The following BLTP1 variants were observed in gnomAD, a reference collection of about 807,000 sequenced individuals.
BLTP1 encodes fragile site-associated protein.
At chr4:122,235,087 A>G in the BLTP1 span, 2 of 1,362,532 alleles carry the variant, frequency 1.5e-6, no homozygotes, top group South Asian at 2.7e-5. Context: ...CCATTTTGAG[A>G]GAAATTCAGT....
the BLTP1 span, chr4:122,256,746 A>G: frequency 3.5e-6 from 1 of 282,392 alleles, no homozygotes; most frequent in Non-Finnish European, 5.3e-6. Context: ...CTGATAATAC[A>G]GTTAACTTTC....
At chr4:122,200,235 T>C in the BLTP1 span, 1 of 984,994 alleles carries the variant, frequency 1.0e-6, no homozygotes, top group Non-Finnish European at 1.2e-6. Flanking sequence ...TGATAAATAG[T>C]GCTGTGTGAC....
chr4:122,281,662 T>G, the BLTP1 span: 1 of 1,613,476 alleles, frequency 6.2e-7, no homozygotes. Flanking sequence ...AAAAGAAGCC[T>G]ATTGTTCTTA....
the BLTP1 span, chr4:122,318,066 A>G: frequency 2.8e-6 from 4 of 1,404,882 alleles, no homozygotes; most frequent in Non-Finnish European, 3.8e-6. Context: ...TATTCTGACA[A>G]GAATTAAAAA....
chr4:122,188,343 AT>A, the BLTP1 span: 1 of 428,576 alleles, frequency 2.3e-6, no homozygotes, highest in Non-Finnish European at 3.1e-6. Flanking sequence ...TTCTAATTGT[AT>A]TTTGGAAACT....
At chr4:122,249,831 T>A in the BLTP1 span, 1 of 1,414,428 alleles carries the variant, frequency 7.1e-7, no homozygotes, top group Non-Finnish European at 9.3e-7. Context: ...CGGGGGTGAG[T>A]GCCTCATACC....
chr4:122,298,104 G>A, the BLTP1 span: 2 of 688,698 alleles, frequency 2.9e-6, no homozygotes, highest in East Asian at 1.3e-4. Flanking sequence ...TAGATACATA[G>A]ATAGATCATA....
the BLTP1 span, chr4:122,261,271 C>G: frequency 1.0e-6 from 1 of 984,458 alleles, no homozygotes; most frequent in Non-Finnish European, 1.2e-6. Flanking sequence ...GCTTTTTTTC[C>G]TGATGGACAG....
chr4:122,263,698 G>A, the BLTP1 span: 2 of 707,232 alleles, frequency 2.8e-6, no homozygotes, highest in Non-Finnish European at 4.6e-6. Context: ...AACAAGTACT[G>A]TTTGGTTGAA....
At chr4:122,199,221 A>C in the BLTP1 span, 1 of 1,159,372 alleles carries the variant, frequency 8.6e-7, no homozygotes, top group Non-Finnish European at 1.2e-6. Flanking sequence ...GCTCCCTGTC[A>C]CTGAGGTGTG....
chr4:122,227,595 C>G, the BLTP1 span: 1 of 408,818 alleles, frequency 2.4e-6, no homozygotes, highest in Non-Finnish European at 3.3e-6. Context: ...TCCTATATGT[C>G]TTTCCTTTTT....
chr4:122,289,071 T>G, the BLTP1 span: 1 of 1,604,390 alleles, frequency 6.2e-7, no homozygotes, highest in Non-Finnish European at 8.5e-7. Context: ...TAATCTAATA[T>G]GATTTTGTCT....
At chr4:122,180,384 A>G in the BLTP1 span, among the ~76,000 whole-genome samples, 2 of 152,314 alleles carry the variant, frequency 1.3e-5, no homozygotes, top group African/African-American at 2.4e-5. Flanking sequence ...CTTTTAAGAT[A>G]ATCTTTCAGA....
At chr4:122,297,883 A>T in the BLTP1 span, 1 of 152,178 alleles carries the variant, frequency 6.6e-6, no homozygotes, top group Non-Finnish European at 1.5e-5. Flanking sequence ...CAGGGAGGGG[A>T]ACAACACACA....
the BLTP1 span, chr4:122,240,174 C>A: frequency 3.7e-6 from 6 of 1,613,964 alleles, no homozygotes; most frequent in African/African-American, 8.0e-5. Flanking sequence ...TCCGCAACAA[C>A]CCGTGATGAA....
the BLTP1 span, among the ~76,000 whole-genome samples, chr4:122,320,989 CTT>C: frequency 9.8e-5 from 12 of 122,914 alleles, no homozygotes; most frequent in Admixed American, 3.2e-4. Flanking sequence ...TTTTTCTTTT[CTT>C]TTTTTTTTTT....
At chr4:122,334,334 T>A in the BLTP1 span, 1 of 1,513,690 alleles carries the variant, frequency 6.6e-7, no homozygotes, top group Non-Finnish European at 9.2e-7. Flanking sequence ...GTTTATTTAT[T>A]TCAATACAGT....
chr4:122,181,773 C>T, the BLTP1 span, among the ~76,000 whole-genome samples: 1 of 151,898 alleles, frequency 6.6e-6, no homozygotes, highest in African/African-American at 2.4e-5. Flanking sequence ...TTTTGAAGGA[C>T]ATTGAGTATG....
At chr4:122,297,474 A>C in the BLTP1 span, among the ~76,000 whole-genome samples, 3 of 152,226 alleles carry the variant, frequency 2.0e-5, no homozygotes, top group African/African-American at 4.8e-5. Context: ...AATTAGTTCA[A>C]CCATTGTAGA....
Sources: allele counts gnomAD v4.1 joint callset (sites outside exome capture counted in the v4.1 genomes callset), GRCh38; gene constraint gnomAD v4.1.1; transcripts MANE v1.5; gene names NCBI Gene and HGNC (gene_info 2026-07-23, HGNC 2026-07-21).